FSIP2: variants seen among roughly 807,000 people sequenced by gnomAD.
FSIP2 encodes the protein fibrous sheath interacting protein 2, also known as fibrous sheath-interacting protein 2.
Under a neutral mutation model 510.5 loss-of-function variants are expected in FSIP2, and 367 were observed. The ratio of observed to expected loss-of-function variants is 0.72; its 90% confidence interval spans 0.66 to 0.78. The LOEUF (loss-of-function observed/expected upper bound fraction) is 0.78, where lower values mean the gene tolerates loss of function less well. Among genes scored for constraint, FSIP2 ranks in the 30% least tolerant of loss-of-function variants. FSIP2 has a pLI of 0.00. For synonymous variants in FSIP2, 2,601 were observed against 2,732.2 expected, an observed-to-expected ratio of 0.95 and a Z score of 1.50; for missense variants, 7,594 against 7,901.7, an observed-to-expected ratio of 0.96 and a Z score of 1.48.
At chr2:185,819,357 A>C (rs1414906800) in intron 19 of FSIP2, among the ~76,000 whole-genome samples, 1 of 151,932 alleles carries the variant, frequency 6.6e-6, no homozygotes, top group Non-Finnish European at 1.5e-5. Flanking sequence ...TAATTACTTA[A>C]AGTATAAATG....
In FSIP2 at chr2:185,793,562, T is replaced by A; in HGVS notation, c.6426T>A (p.Ile2142=). Residue 2142 remains isoleucine, a synonymous_variant, in exon 16 of 23, where the codon ATT becomes ATA. Transcript: ENST00000424728. ...EMFMEGANKI[I]PKLSVPKSDV... ...TCATGGAGGGTGCAAATAAGATTAT[T>A]CCTAAGCTTTCAGTTCCTAAATCAG... 6.5e-7 allele frequency: 1 copy of A among 1,534,250 alleles called. No individual in the cohort carries two copies.
Position 185,787,726 on chromosome 2 carries a change from A to G in FSIP2, c.1507-917A>G, listed in dbSNP as rs559776927. ...TCCAGTTCAAATCTATGACAGCAAC[A>G]TTAGTCACTAAGGAAATGGTTATTC... On this transcript the variant is annotated intron_variant, in intron 15 of 22. Transcript: ENST00000424728. 2.6e-5 allele frequency among the ~76,000 whole-genome samples: 4 copies of G among 151,910 alleles called. No homozygotes were observed. In the South Asian group the frequency reaches 8.3e-4, roughly 31 times the overall value.
At position 185,797,228 on chromosome 2, in the gene FSIP2, A is replaced by G; in HGVS notation, c.10092A>G (p.Gln3364=). 1 of 1,535,012 alleles carries G rather than the reference A, an allele frequency of 6.5e-7. No homozygotes were observed. The highest frequency in any genetic ancestry group is 1.2e-5 in the South Asian group (1 of 84,032). ...EIMKPFFISK[Q]SSLSEVSGGQ... ...TGAAACCATTTTTCATATCAAAACA[A>G]AGCTCTTTATCTGAAGTATCTGGAG... Residue 3364 remains glutamine (Q), a synonymous_variant, in exon 16 of 23, where the codon CAA becomes CAG. Transcript: ENST00000424728.
Position 185,808,809 on chromosome 2 carries a change from T to C in FSIP2, c.19503T>C (p.Pro6501=). The change falls in exon 17 of 23, where the codon CCT becomes CCC. Residue 6501 remains proline (P), a synonymous_variant. Transcript: ENST00000424728. ...KAQEHAFNVI[P]ELEQEKLDQN... The stretch of plus-strand genomic sequence containing the variant: ...AAGAACATGCTTTTAATGTGATTCC[T>C]GAATTAGAGCAAGAAAAGTTAGATC... The C allele has an allele frequency of 3.7e-6, 6 of 1,612,836 alleles. No homozygotes were observed. The highest frequency in any genetic ancestry group is 2.2e-5 in the South Asian group (2 of 90,914).
In FSIP2 at chr2:185,802,089, A is replaced by G; in HGVS notation, c.12783A>G (p.Pro4261=). ...AGATTATCGAAAATCATCTTCAACC[A>G]TTTTTGAGTGGAGAGGTTTTATGTC... ...IQEIIENHLQ[P]FLSGEVLCHP... is the part of the protein sequence containing the mutation. Residue 4261 remains proline (P), a synonymous_variant, in exon 17 of 23, where the codon CCA becomes CCG. Transcript: ENST00000424728. 6.5e-7 allele frequency: 1 copy of G among 1,533,482 alleles called. No homozygotes were observed. Among genetic ancestry groups the G allele is most frequent in the Non-Finnish European group, 8.7e-7 (1 of 1,145,182 alleles). The allele number at this position is 1,533,482 out of a possible 1,614,324, so 95.0% of individuals were successfully genotyped here.
chr2:185,746,011 A>C (rs1490572598), intron 5 of FSIP2, among the ~76,000 whole-genome samples: 1 of 152,134 alleles, frequency 6.6e-6, no homozygotes, highest in African/African-American at 2.4e-5. Context: ...AATATGACTC[A>C]GTCATATTCA....
chr2:185,822,877 A>G (rs1235257186), intron 19 of FSIP2, among the ~76,000 whole-genome samples: 1 of 151,974 alleles, frequency 6.6e-6, no homozygotes, highest in East Asian at 1.9e-4. Context: ...AAGACATGGA[A>G]TAAAGAGCCC....
rs779751520 is a variant in FSIP2 at position 185,806,149 on chromosome 2, G to A, written c.16843G>A (p.Ala5615Thr). ...AGGCTATAAAAAGAAGATTGACAAT[G>A]CAAGGGAAAGCTCATTTAAAAAAGA... The part of the protein sequence containing the change: ...EIGYKKKIDN[A>T]RESSFKKDDK... The change falls in exon 17 of 23, where the codon GCA becomes ACA. Residue 5615 changes from alanine to threonine, a missense_variant. Physicochemically the swap from Ala to Thr is moderately conservative, Grantham distance 58 (BLOSUM62 0). Coordinates refer to ENST00000424728, the MANE Select transcript of FSIP2 (RefSeq NM_173651.4). 6.3e-7 allele frequency: 1 copy of A among 1,578,996 alleles called. No individual in the cohort carries two copies. Among genetic ancestry groups the A allele is most frequent in the Non-Finnish European group, 8.6e-7 (1 of 1,168,828 alleles).
chr2:185,775,627 C>CTCTA (rs946127938), intron 13 of FSIP2, among the ~76,000 whole-genome samples: 1 of 152,006 alleles, frequency 6.6e-6, no homozygotes. Flanking sequence ...CATCTGTTAA[C>CTCTA]TCTATCTTCC....
Position 185,763,304 on chromosome 2 carries a change from T to C in FSIP2, c.1347+15T>C, listed in dbSNP as rs1356488077. ...CAAAAGAAGAGGTATATAACAGTTC[T>C]TTTACCCCAAATACAAACACAATAA... On this transcript the variant is annotated intron_variant, in intron 12 of 22. Coordinates refer to ENST00000424728, the MANE Select transcript of FSIP2 (RefSeq NM_173651.4). 2.0e-6 allele frequency: 2 copies of C among 1,007,104 alleles called. No homozygotes were observed. Among genetic ancestry groups the C allele is most frequent in the African/African-American group, 1.6e-5 (1 of 62,572 alleles). The allele number at this position is 1,007,104 out of a possible 1,614,324, so 62.4% of individuals were successfully genotyped here.
chr2:185,813,829 A>G lies in FSIP2; in HGVS notation c.20112A>G (p.Leu6704=), dbSNP rs1176731253. The change falls in exon 18 of 23, where the codon CTA becomes CTG. Residue 6704 remains leucine, a synonymous_variant. Coordinates refer to ENST00000424728, the MANE Select transcript of FSIP2 (RefSeq NM_173651.4). The stretch of plus-strand genomic sequence containing the variant: ...GCAAACTTTCTCCTAAGTCAACACT[A>G]AGCACGAGCAGCCTGAAAAAATTTT... The part of the protein sequence containing the change: ...IQSKLSPKST[L]STSSLKKFLS... 3.7e-6 allele frequency: 6 copies of G among 1,613,664 alleles called. No homozygotes were observed. The African/African-American group carries it at 6.7e-5, about 18-fold the overall frequency.
chr2:185,792,503 T>C lies in FSIP2; in HGVS notation c.5367T>C (p.Phe1789=), dbSNP rs148932308. 917 of 1,529,480 alleles carry C rather than the reference T, an allele frequency of 6.0e-4. 5 individuals are homozygous for C. The African/African-American group carries it at 0.011, about 19-fold the overall frequency. 94.7% of individuals were successfully genotyped at this position (1,529,480 alleles called of 1,614,324 possible). A position where few individuals can be genotyped will look rare whatever the true frequency, so the allele number is the denominator to read the frequency against. The part of the protein sequence containing the change: ...PIIRNILNEI[F]QSTLINQLNV... The stretch of plus-strand genomic sequence containing the variant: ...TAAGAAATATTTTGAATGAAATTTT[T>C]CAAAGTACTTTAATCAATCAATTAA... Residue 1789 remains phenylalanine (F), a synonymous_variant, in exon 16 of 23, where the codon TTT becomes TTC. Transcript: ENST00000424728.
upstream of FSIP2, chr2:185,738,525 G>GA: frequency 7.5e-7 from 1 of 1,336,118 alleles, no homozygotes; most frequent in South Asian, 1.4e-5. Flanking sequence ...TTATTGAACG[G>GA]AACAGGGCTC....
chr2:185,797,279 G>C lies in FSIP2; in HGVS notation c.10143G>C (p.Leu3381Phe). The C allele has an allele frequency of 6.5e-7, 1 of 1,533,922 alleles. No homozygotes were observed. The highest frequency in any genetic ancestry group is 1.2e-5 in the South Asian group (1 of 83,748). ...GGCAAAAGGATAACGAAAAAAGTTT[G>C]CTTAGAATGCAGGATAAAAAAATCA... Reference protein sequence around the residue: ...SGGQKDNEKSLLRMQDKKINY... With the variant: ...SGGQKDNEKSFLRMQDKKINY... Residue 3381 changes from leucine to phenylalanine, a missense_variant, in exon 16 of 23, where the codon TTG becomes TTC. Physicochemically the swap from Leu to Phe is conservative, Grantham distance 22 (BLOSUM62 0). Coordinates refer to ENST00000424728, the MANE Select transcript of FSIP2 (RefSeq NM_173651.4).
chr2:185,737,408 T>G (rs1342017397), upstream of FSIP2, among the ~76,000 whole-genome samples: 1 of 152,170 alleles, frequency 6.6e-6, no homozygotes, highest in Non-Finnish European at 1.5e-5. Context: ...GATGGATTTT[T>G]GGGGTAGATG....
In FSIP2 at chr2:185,738,993, C is replaced by T. The variant is rs771604128; in HGVS notation, c.99C>T (p.Asp33=). Residue 33 remains aspartate (D), a splice_region_variant and synonymous_variant, in exon 1 of 23, where the codon GAC becomes GAT. Transcript: ENST00000424728. ...CCGCGGACACCCAGCAGTGCAGAGA[C>T]GTGAGTGGCCGCAAGCTGGGCGGCG... is the stretch of plus-strand genomic sequence containing the variant. ...VLAADTQQCR[D]GVHKTHFAGV... 5.2e-5 allele frequency: 80 copies of T among 1,531,414 alleles called. No individual in the cohort carries two copies. Among genetic ancestry groups the T allele is most frequent in the Non-Finnish European group, 6.5e-5 (74 of 1,145,670 alleles). The allele number at this position is 1,531,414 out of a possible 1,614,324, so 94.9% of individuals were successfully genotyped here.
At chr2:185,769,475 AT>A (rs957300229) in intron 13 of FSIP2, among the ~76,000 whole-genome samples, 52 of 151,050 alleles carry the variant, frequency 3.4e-4, no homozygotes, top group African/African-American at 8.2e-4. Context: ...TTTTAATGGA[AT>A]TTTTTTTCTT....
chr2:185,759,027 C>A (rs1341515346), intron 9 of FSIP2, among the ~76,000 whole-genome samples: 1 of 151,194 alleles, frequency 6.6e-6, no homozygotes, highest in South Asian at 2.1e-4. Context: ...TTGGGATTCA[C>A]TTTTCATTTA....
chr2:185,749,174 C>A (rs1243405066), intron 7 of FSIP2, among the ~76,000 whole-genome samples: 1 of 151,780 alleles, frequency 6.6e-6, no homozygotes, highest in African/African-American at 2.4e-5. Flanking sequence ...TTATTAATTT[C>A]TACCAAAACG....
Sources: gnomAD v4.1 joint callset for allele counts (sites outside exome capture counted in the v4.1 genomes callset) on GRCh38, gnomAD v4.1.1 for gene constraint, MANE v1.5 for transcripts, NCBI Gene and HGNC (gene_info 2026-07-23, HGNC 2026-07-21) for gene names.